Variants in LPP observed in about 807,000 individuals in gnomAD.
LPP encodes the protein lipoma-preferred partner.
A neutral mutation model predicts 60.4 loss-of-function variants in LPP; 38 were observed. That is an observed-to-expected ratio of 0.63 (90% confidence interval 0.49 to 0.83). The LOEUF (loss-of-function observed/expected upper bound fraction) is 0.83. Among genes scored for constraint, LPP ranks in the 40% least tolerant of loss-of-function variants. The pLI is 0.00. For missense variants in LPP, 902 were observed against 783.6 expected (o/e 1.15, Z -1.80); for synonymous variants, 328 against 290.8 (o/e 1.13, Z -1.30).
chr3:188,544,094 CT>C (rs1825911406), intron 6 of LPP, among the ~76,000 whole-genome samples: 1 of 152,148 alleles, frequency 6.6e-6, no homozygotes, highest in African/African-American at 2.4e-5. Flanking sequence ...TTTAGGAGGT[CT>C]TTTGATCTAA....
At chr3:188,698,621 G>A (rs1004953714) in intron 7 of LPP, among the ~76,000 whole-genome samples, 4 of 152,124 alleles carry the variant, frequency 2.6e-5, no homozygotes, top group Non-Finnish European at 5.9e-5. Flanking sequence ...AGGATTTGGC[G>A]CTTCTGCTCT....
intron 7 of LPP, among the ~76,000 whole-genome samples, chr3:188,699,122 A>C (rs1280353248): frequency 6.6e-6 from 1 of 152,238 alleles, no homozygotes; most frequent in African/African-American, 2.4e-5. Flanking sequence ...ATTATTCTCC[A>C]GTTTATATAT....
intron 9 of LPP, among the ~76,000 whole-genome samples, chr3:188,769,844 G>A (rs768412955): frequency 3.3e-5 from 5 of 152,134 alleles, no homozygotes; most frequent in East Asian, 1.9e-4. Context: ...ATAGGACAGC[G>A]TTTGCTTTCA....
intron 9 of LPP, among the ~76,000 whole-genome samples, chr3:188,836,864 T>C (rs1198747690): frequency 6.6e-6 from 1 of 152,202 alleles, no homozygotes; most frequent in African/African-American, 2.4e-5. Flanking sequence ...TTTGTGTTCA[T>C]GTGGCATAAG....
intron 7 of LPP, among the ~76,000 whole-genome samples, chr3:188,657,258 G>GCATATATATATATATATATATA (rs5741613): frequency 1.1e-4 from 10 of 89,838 alleles, no homozygotes; most frequent in Admixed American, 1.0e-3. Context: ...CTGTCAAGGT[G>GCATATATATATATATATATATA]TATATATATA....
At chr3:188,211,667 A>G (rs1734731485) in intron 1 of LPP, among the ~76,000 whole-genome samples, 1 of 152,106 alleles carries the variant, frequency 6.6e-6, no homozygotes, top group Non-Finnish European at 1.5e-5. Context: ...ATTCACCCCC[A>G]CTTTTCCTGA....
chr3:188,180,398 T>G (rs1453755379), intron 1 of LPP: 1 of 154,594 alleles, frequency 6.5e-6, no homozygotes, highest in Non-Finnish European at 1.5e-5. Context: ...CCTCTGTGTC[T>G]TAGCACATGC....
At chr3:188,467,292 T>A (rs1160439491) in intron 4 of LPP, among the ~76,000 whole-genome samples, 2 of 152,100 alleles carry the variant, frequency 1.3e-5, no homozygotes, top group East Asian at 3.9e-4. Context: ...AAATAATATG[T>A]TTAAATTTTT....
At chr3:188,679,721 C>T (rs2149351823) in intron 7 of LPP, among the ~76,000 whole-genome samples, 1 of 152,212 alleles carries the variant, frequency 6.6e-6, no homozygotes, top group East Asian at 1.9e-4. Flanking sequence ...TAATAATAAA[C>T]AATTTTTAAG....
chr3:188,471,358 T>G (rs1333166625), intron 4 of LPP, among the ~76,000 whole-genome samples: 1 of 152,164 alleles, frequency 6.6e-6, no homozygotes, highest in Non-Finnish European at 1.5e-5. Flanking sequence ...AAAACCTGGG[T>G]CAGGAAGAAT....
chr3:188,328,345 A>G lies in LPP; in HGVS notation c.-66-13318A>G, dbSNP rs150710650. 4.9e-3 allele frequency among the ~76,000 whole-genome samples: 749 copies of G among 152,282 alleles called. 38 individuals carry two copies. The East Asian group carries it at 0.11, about 23-fold the overall frequency. On this transcript the variant is annotated intron_variant, in intron 2 of 11. Transcript: ENST00000617246. ...TCACTCACTTATTCAGTTCTTGCAA[A>G]CACTGATCATTTCATTCTATAATAT...
intron 2 of LPP, among the ~76,000 whole-genome samples, chr3:188,279,531 A>G (rs1338173032): frequency 1.3e-5 from 2 of 152,242 alleles, no homozygotes; most frequent in African/African-American, 4.8e-5. Flanking sequence ...TGACAATGAT[A>G]TGCTTTCAGA....
intron 7 of LPP, among the ~76,000 whole-genome samples, chr3:188,629,292 C>T (rs2151694330): frequency 6.6e-6 from 1 of 152,166 alleles, no homozygotes; most frequent in Non-Finnish European, 1.5e-5. Context: ...TTTCTGTTTG[C>T]AGATGATGTC....
intron 1 of LPP, chr3:188,180,810 T>TGGCGTGAACCCGGGAGGCGGAGCTTGC (rs1368774639): frequency 1.5e-4 from 22 of 150,742 alleles, no homozygotes; most frequent in Admixed American, 3.4e-4. Context: ...GAATTGTTTG[T>TGGCGTGAACCCGGGAGGCGGAGCTTGC]ACATGTAATT....
chr3:188,644,205 G>A (rs1850700027), intron 7 of LPP, among the ~76,000 whole-genome samples: 1 of 152,158 alleles, frequency 6.6e-6, no homozygotes, highest in Admixed American at 6.5e-5. Context: ...ACAATTTAGA[G>A]CATCCTGGTT....
At chr3:188,455,929 G>A (rs1482620860) in intron 4 of LPP, among the ~76,000 whole-genome samples, 1 of 152,156 alleles carries the variant, frequency 6.6e-6, no homozygotes, top group Non-Finnish European at 1.5e-5. Flanking sequence ...GGATTTTGCT[G>A]TCACCCAGGC....
rs189914068 is a variant in LPP, at chr3:188,349,193, A to T, written c.-10+7474A>T. ...ATTCCTAGAGGGGAAGAATTTTTTT[A>T]AAAAAATTTAAAAAGCCTGAGTTGA... On this transcript the variant is annotated intron_variant, in intron 3 of 11. Coordinates refer to ENST00000617246, the MANE Select transcript of LPP (RefSeq NM_001375462.1). Among the ~76,000 whole-genome samples the T allele has an allele frequency of 8.6e-3, 1,307 of 152,236 alleles. 3 individuals are homozygous for T. Among genetic ancestry groups the T allele is most frequent in the African/African-American group, 0.018 (742 of 41,532 alleles).
intron 2 of LPP, among the ~76,000 whole-genome samples, chr3:188,266,372 G>C (rs1371734548): frequency 6.6e-6 from 1 of 152,116 alleles, no homozygotes; most frequent in Non-Finnish European, 1.5e-5. Context: ...CAGATGATAC[G>C]TTTTTTAGAT....
intron 1 of LPP, among the ~76,000 whole-genome samples, chr3:188,203,515 A>AT (rs1491373366): frequency 4.7e-5 from 3 of 63,552 alleles, no homozygotes; most frequent in African/African-American, 1.7e-4. Context: ...ATATATATTT[A>AT]AATATATATA....
Sources: gnomAD v4.1 joint callset for allele counts (sites outside exome capture counted in the v4.1 genomes callset) on GRCh38, gnomAD v4.1.1 for gene constraint, MANE v1.5 for transcripts, NCBI Gene and HGNC (gene_info 2026-07-23, HGNC 2026-07-21) for gene names.